TRPM8: variants seen among roughly 807,000 people sequenced by gnomAD.
The protein encoded by TRPM8 is TRPM8 cationic channel.
In TRPM8, 110 loss-of-function variants were observed where a neutral mutation model predicts 133.7. The ratio of observed to expected loss-of-function variants is 0.82; its 90% CI spans 0.70 to 0.96. The LOEUF is 0.96. Ranked by LOEUF, TRPM8 falls within the 40% of genes least tolerant of loss-of-function variation. The pLI is 0.00. For synonymous variants in TRPM8, 535 were observed against 532.3 expected, an observed-to-expected ratio of 1.01 and a Z score of -0.07; for missense variants, 1,291 against 1,379.5, an observed-to-expected ratio of 0.94 and a Z score of 1.02.
intron 2 of TRPM8, among the ~76,000 whole-genome samples, chr2:233,927,499 G>T (rs1027388294): frequency 6.6e-6 from 1 of 152,170 alleles, no homozygotes; most frequent in African/African-American, 2.4e-5. Flanking sequence ...TGCCTTGGGG[G>T]ACTGAGCACC....
At chr2:233,953,262 C>A (rs1691212943) in intron 9 of TRPM8, among the ~76,000 whole-genome samples, 1 of 152,192 alleles carries the variant, frequency 6.6e-6, no homozygotes, top group African/African-American at 2.4e-5. Flanking sequence ...ATCCTTATTT[C>A]CAAACGTTGC....
intron 24 of TRPM8, among the ~76,000 whole-genome samples, chr2:234,009,317 AT>A (rs979314287): frequency 6.6e-6 from 1 of 152,124 alleles, no homozygotes; most frequent in Non-Finnish European, 1.5e-5. Flanking sequence ...ACTCGAGTTT[AT>A]TTGGAGTGAC....
chr2:234,014,726 T>A, intron 25 of TRPM8, 72 bp downstream of exon 25: 1 of 550,964 alleles, frequency 1.8e-6, no homozygotes, highest in Non-Finnish European at 3.1e-6. Context: ...AAGATCATGA[T>A]TTTTTCCTCA....
chr2:234,006,796 T>TCAGCACA, intron 22 of TRPM8, 57 bp from the exon 23 acceptor site: 1 of 1,333,842 alleles, frequency 7.5e-7, no homozygotes. Flanking sequence ...GATCTTAATT[T>TCAGCACA]AGGAAGCAAG....
chr2:234,016,415 A>C (rs183988447), intron 25 of TRPM8, among the ~76,000 whole-genome samples: 5 of 152,360 alleles, frequency 3.3e-5, no homozygotes, highest in Admixed American at 2.6e-4. Flanking sequence ...CACTGAAAAT[A>C]TAACTTTATA....
chr2:233,953,627 A>T lies in TRPM8; in HGVS notation c.1141-290A>T, dbSNP rs140493732. The T allele has an allele frequency of 4.2e-3, 921 of 219,858 alleles. 7 individuals are homozygous for T. The highest frequency in any genetic ancestry group is 0.02 in the African/African-American group (872 of 43,754). The allele number at this position is 219,858 out of a possible 1,614,324, so 13.6% of individuals were successfully genotyped here. A position where few individuals can be genotyped will look rare whatever the true frequency, so the allele number is the denominator to read the frequency against. On this transcript the variant is annotated intron_variant, in intron 9 of 25. Coordinates refer to ENST00000324695, the MANE Select transcript of TRPM8 (RefSeq NM_024080.5). Reference sequence around the variant, plus strand: ...GTCATTTAATAACTGAGCATCTGCCATGTGCCAGGCTTTGTGACACACACA... The same window carrying T: ...GTCATTTAATAACTGAGCATCTGCCTTGTGCCAGGCTTTGTGACACACACA...
At chr2:233,980,419 GAGATA>G in intron 18 of TRPM8, 140 bp downstream of exon 18, 1 of 561,874 alleles carries the variant, frequency 1.8e-6, no homozygotes, top group Non-Finnish European at 3.0e-6. Context: ...CTGCTTTATA[GAGATA>G]CACCTTGGTT....
chr2:233,921,677 C>CTTTTTTTTTTTTT (rs11373529), intron 1 of TRPM8, among the ~76,000 whole-genome samples: 1 of 106,660 alleles, frequency 9.4e-6, no homozygotes. Flanking sequence ...CTTTTCTTTT[C>CTTTTTTTTTTTTT]TTTTTTTTTT....
chr2:234,008,193 A>G, intron 24 of TRPM8, 90 bp downstream of exon 24: 1 of 1,295,392 alleles, frequency 7.7e-7, no homozygotes. Flanking sequence ...TGTGATAATA[A>G]AAGAAGTTAT....
In TRPM8 at chr2:233,963,299, T is replaced by G. The variant is rs1335355607; in HGVS notation, c.1671T>G (p.Thr557=). ...CCCCCCAGGACGTGTCTCCTATTAC[T>G]CGGCACCCCCTGCAAGCTCTCTTCA... ...DIELHDVSPI[T]RHPLQALFIW... Residue 557 remains threonine, a synonymous_variant, in exon 13 of 26, where the codon ACT becomes ACG. Coordinates refer to ENST00000324695, the MANE Select transcript of TRPM8 (RefSeq NM_024080.5). 1 of 1,613,312 alleles carries G rather than the reference T, an allele frequency of 6.2e-7. No individual in the cohort carries two copies. Among genetic ancestry groups the G allele is most frequent in the South Asian group, 1.1e-5 (1 of 90,922 alleles).
chr2:233,974,242 G>GT (rs1323567959), intron 17 of TRPM8, among the ~76,000 whole-genome samples: 18 of 150,818 alleles, frequency 1.2e-4, no homozygotes, highest in East Asian at 3.9e-4. Flanking sequence ...TTTTTTTGTT[G>GT]TTTTTTTTTG....
intron 3 of TRPM8, among the ~76,000 whole-genome samples, chr2:233,936,347 A>ACTG (rs1428793349): frequency 1.3e-5 from 2 of 152,162 alleles, no homozygotes; most frequent in Admixed American, 6.5e-5. Context: ...TTTACCACTG[A>ACTG]CTGCGTTTCT....
chr2:233,964,989 C>T (rs1691530660), intron 14 of TRPM8, among the ~76,000 whole-genome samples: 1 of 151,152 alleles, frequency 6.6e-6, no homozygotes, highest in Non-Finnish European at 1.5e-5. Context: ...ATCCCATGGC[C>T]ACCCAGGGCC....
At chr2:233,958,043 T>C (rs1228282845) in intron 11 of TRPM8, among the ~76,000 whole-genome samples, 1 of 152,226 alleles carries the variant, frequency 6.6e-6, no homozygotes, top group Non-Finnish European at 1.5e-5. Flanking sequence ...GCTGATAATA[T>C]TTCTGTGACC....
At position 233,927,836 on chromosome 2, in the gene TRPM8, C is replaced by T. The variant is rs1177400562; in HGVS notation, c.117+1182C>T. On this transcript the variant is annotated intron_variant, in intron 2 of 25. Transcript: ENST00000324695. Reference sequence around the variant, plus strand: ...CCTTCCTTCCTTCCTTCCTTCCTTCCTTCCTTCCTTCCTTCCTTTCTTTCT... The same window carrying T: ...CCTTCCTTCCTTCCTTCCTTCCTTCTTTCCTTCCTTCCTTCCTTTCTTTCT... Among the ~76,000 whole-genome samples, 23 of 79,710 alleles carry T rather than the reference C, an allele frequency of 2.9e-4. 1 individual carries two copies. Among genetic ancestry groups the T allele is most frequent in the South Asian group, 3.8e-4 (1 of 2,632 alleles). The allele number at this position is 79,710 out of a possible 152,430, so 52.3% of individuals were successfully genotyped here.
intron 6 of TRPM8, among the ~76,000 whole-genome samples, chr2:233,944,742 A>G (rs904443929): frequency 9.9e-5 from 15 of 152,212 alleles, no homozygotes; most frequent in Admixed American, 9.8e-4. Flanking sequence ...ATAGCCATAT[A>G]CCTTTATTAG....
In TRPM8 at chr2:233,960,829, G is replaced by A; in HGVS notation, c.1416G>A (p.Lys472=). ...MFTALIKDRP[K]FVRLFLENGL... is the part of the protein sequence containing the mutation. ...CGGCTCTCATAAAGGACAGACCCAA[G>A]TTTGTCCGCCTCTTTCTGGAGAATG... The change falls in exon 12 of 26, where the codon AAG becomes AAA. Residue 472 remains lysine, a synonymous_variant. Coordinates refer to ENST00000324695, the MANE Select transcript of TRPM8 (RefSeq NM_024080.5). 1 of 1,614,164 alleles carries A rather than the reference G, an allele frequency of 6.2e-7. No individual in the cohort carries two copies. Among genetic ancestry groups the A allele is most frequent in the Non-Finnish European group, 8.5e-7 (1 of 1,180,034 alleles).
chr2:233,929,503 G>A (rs1410232913), intron 2 of TRPM8, among the ~76,000 whole-genome samples: 3 of 152,206 alleles, frequency 2.0e-5, no homozygotes, highest in Non-Finnish European at 4.4e-5. Context: ...GGTGCCAGTG[G>A]CCTGTCTTAT....
chr2:233,952,911 C>T (rs1476398129), intron 9 of TRPM8, among the ~76,000 whole-genome samples: 1 of 152,044 alleles, frequency 6.6e-6, no homozygotes, highest in Non-Finnish European at 1.5e-5. Context: ...ATTTTGGGAC[C>T]TTCACCCCTC....
Sources: allele counts gnomAD v4.1 joint callset (sites outside exome capture counted in the v4.1 genomes callset), GRCh38; gene constraint gnomAD v4.1.1; transcripts MANE v1.5; gene names NCBI Gene and HGNC (gene_info 2026-07-23, HGNC 2026-07-21).